Variants in TNN observed in about 807,000 individuals in gnomAD.
TNN encodes tenascin-N.
A neutral mutation model predicts 134.4 loss-of-function variants in TNN; 122 were observed. That is an observed-to-expected ratio of 0.91 (90% CI 0.78 to 1.06). The LOEUF (loss-of-function observed/expected upper bound fraction) is 1.06, where lower values mean the gene tolerates loss of function less well. TNN is among the 50% of genes least tolerant of loss of function. TNN has a pLI of 0.00. For synonymous variants in TNN, 710 were observed against 670.3 expected, an observed-to-expected ratio of 1.06 and a Z score of -0.91; for missense variants, 1,739 against 1,699.4, an observed-to-expected ratio of 1.02 and a Z score of -0.41.
chr1:175,099,029 G>A (rs975176409), intron 9 of TNN, among the ~76,000 whole-genome samples: 1 of 152,138 alleles, frequency 6.6e-6, no homozygotes, highest in Non-Finnish European at 1.5e-5. Context: ...AATGTTTTAG[G>A]CAGAAATAAT....
In TNN at chr1:175,125,703, C is replaced by CTCTTTCTTTCTT. The variant is rs1173340653; in HGVS notation, c.2915-1208_2915-1197dup. Reference sequence around the variant, plus strand: ...CCTCCTTTCTTTCTCTCTTTTTTCTCTCTTTCTTTCTTTCTTTCTTTCTTT... The same window carrying CTCTTTCTTTCTT: ...CCTCCTTTCTTTCTCTCTTTTTTCTCTCTTTCTTTCTTTCTTTCTTTCTTTCTTTCTTTCTTT... On this transcript the variant is annotated intron_variant, in intron 12 of 18. Coordinates refer to ENST00000239462, the MANE Select transcript of TNN (RefSeq NM_022093.2). 3.2e-4 allele frequency among the ~76,000 whole-genome samples: 21 copies of CTCTTTCTTTCTT among 66,436 alleles called. 1 individual carries two copies. Among genetic ancestry groups the CTCTTTCTTTCTT allele is most frequent in the East Asian group, 2.0e-3 (5 of 2,540 alleles). The allele number at this position is 66,436 out of a possible 152,430, so 43.6% of individuals were successfully genotyped here.
At chr1:175,086,536 G>A (rs1036842404) in intron 6 of TNN, among the ~76,000 whole-genome samples, 1 of 152,202 alleles carries the variant, frequency 6.6e-6, no homozygotes, top group Non-Finnish European at 1.5e-5. Context: ...AATCCTTGGA[G>A]CTGGTAAAGA....
chr1:175,119,768 G>A (rs1194427925), intron 11 of TNN, among the ~76,000 whole-genome samples: 3 of 151,648 alleles, frequency 2.0e-5, no homozygotes, highest in African/African-American at 7.3e-5. Context: ...CCAAGTAGCT[G>A]GGATTACAAG....
In TNN at chr1:175,079,528, G is replaced by T. The variant is rs764615697; in HGVS notation, c.605G>T (p.Cys202Phe). 7 of 1,565,492 alleles carry T rather than the reference G, an allele frequency of 4.5e-6. No homozygotes were observed. In the Middle Eastern group the frequency reaches 5.0e-4, roughly 112 times the overall value. Residue 202 changes from cysteine to phenylalanine, a missense_variant, in exon 3 of 19, where the codon TGC becomes TTC. By Grantham distance (205) the Cys-to-Phe change is radical (BLOSUM62 -2). Coordinates refer to ENST00000239462, the MANE Select transcript of TNN (RefSeq NM_022093.2). Reference protein sequence around the residue: ...YVGADCGYPACPENCSGHGEC... With the variant: ...YVGADCGYPAFPENCSGHGEC... ...GGTGCCGACTGCGGCTACCCGGCCT[G>T]CCCTGAGAACTGCAGCGGACACGGC...
intron 9 of TNN, among the ~76,000 whole-genome samples, chr1:175,110,335 C>T (rs76506352): frequency 2.0e-5 from 3 of 152,250 alleles, no homozygotes; most frequent in East Asian, 1.9e-4. Context: ...TGCATTCTGT[C>T]GATTATTTCC....
chr1:175,116,112 T>C (rs1353896328), intron 9 of TNN, among the ~76,000 whole-genome samples: 1 of 152,192 alleles, frequency 6.6e-6, no homozygotes, highest in African/African-American at 2.4e-5. Flanking sequence ...GTGTCAGGGA[T>C]TTCTAACTGG....
chr1:175,122,646 A>T (rs902363713), intron 11 of TNN, among the ~76,000 whole-genome samples: 17 of 152,234 alleles, frequency 1.1e-4, no homozygotes, highest in African/African-American at 4.1e-4. Flanking sequence ...GTTGTTGGTG[A>T]CTTAGACTAG....
chr1:175,077,877 T>C, intron 2 of TNN, 50 bp downstream of exon 2: 1 of 1,550,240 alleles, frequency 6.5e-7, no homozygotes, highest in East Asian at 2.3e-5. Flanking sequence ...TGAGCACCTA[T>C]TATGTGCCAG....
Position 175,085,321 on chromosome 1 carries a change from C to T in TNN, c.1235-84C>T, listed in dbSNP as rs149432029. On this transcript the variant is annotated intron_variant, in intron 5 of 18. Transcript: ENST00000239462. ...AAGCATCACCTCTCATCTTCCCTCACGGGAGAAATCCCAGGGAGGAGTAGT... is the reference window on the plus strand; with the variant it reads ...AAGCATCACCTCTCATCTTCCCTCATGGGAGAAATCCCAGGGAGGAGTAGT... 2.8e-3 allele frequency: 2,464 copies of T among 865,420 alleles called. 9 individuals are homozygous for T. Among genetic ancestry groups the T allele is most frequent in the African/African-American group, 9.7e-3 (582 of 60,148 alleles). 53.6% of individuals were successfully genotyped at this position (865,420 alleles called of 1,614,324 possible).
chr1:175,106,277 G>A (rs57187083), intron 9 of TNN, among the ~76,000 whole-genome samples: 37,949 of 144,816 alleles, frequency 0.26, 8,383 homozygotes, highest in African/African-American at 0.39. Context: ...GGAGGGAGGG[G>A]ATCTTCAGGG....
chr1:175,140,867 G>C (rs1675929525), intron 17 of TNN, among the ~76,000 whole-genome samples: 1 of 152,186 alleles, frequency 6.6e-6, no homozygotes, highest in African/African-American at 2.4e-5. Context: ...GAGGGTTTCA[G>C]AATTTAGAAA....
At position 175,147,169 on chromosome 1, in the gene TNN, C is replaced by A; in HGVS notation, c.*98C>A. 1 of 1,184,690 alleles carries A rather than the reference C, an allele frequency of 8.4e-7. No homozygotes were observed. Among genetic ancestry groups the A allele is most frequent in the Non-Finnish European group, 1.1e-6 (1 of 899,926 alleles). 73.4% of individuals were successfully genotyped at this position (1,184,690 alleles called of 1,614,324 possible). A position where few individuals can be genotyped will look rare whatever the true frequency, so the allele number is the denominator to read the frequency against. On this transcript the variant is annotated 3_prime_UTR_variant, in exon 19 of 19. Transcript: ENST00000239462. ...CTGCGGTCTGGGAGTGCTCAGATAG[C>A]CCGCAGAACAAATCATGTCACCAAG...
At chr1:175,137,645 G>C (rs1010939462) in intron 17 of TNN, among the ~76,000 whole-genome samples, 1 of 152,150 alleles carries the variant, frequency 6.6e-6, no homozygotes, top group Non-Finnish European at 1.5e-5. Context: ...AATGATACCA[G>C]TAAATTAAAT....
At chr1:175,086,638 G>C (rs1032669200) in intron 6 of TNN, among the ~76,000 whole-genome samples, 3 of 152,212 alleles carry the variant, frequency 2.0e-5, no homozygotes, top group Non-Finnish European at 4.4e-5. Context: ...GTGAGAATAA[G>C]AGGTGAGATG....
At chr1:175,095,992 C>A (rs1489882235) in intron 7 of TNN, among the ~76,000 whole-genome samples, 1 of 152,318 alleles carries the variant, frequency 6.6e-6, no homozygotes, top group East Asian at 1.9e-4. Flanking sequence ...GGGGTCAGAC[C>A]AGAGCTGAGC....
intron 18 of TNN, among the ~76,000 whole-genome samples, chr1:175,146,661 AC>A (rs1386629334): frequency 6.6e-6 from 1 of 151,248 alleles, no homozygotes. Flanking sequence ...CCGGGCTCAC[AC>A]CCCCTTGCTC....
At position 175,128,067 on chromosome 1, in the gene TNN, G is replaced by T. The variant is rs368089539; in HGVS notation, c.3081G>T (p.Ala1027=). 1 of 1,614,124 alleles carries T rather than the reference G, an allele frequency of 6.2e-7. No homozygotes were observed. Among genetic ancestry groups the T allele is most frequent in the Non-Finnish European group, 8.5e-7 (1 of 1,179,990 alleles). ...TGGGACGGGAAGACCAGAGGTTTGCGTTGCAAGGCCTTGAGCAAGGCGCCA... is the reference window on the plus strand; with the variant it reads ...TGGGACGGGAAGACCAGAGGTTTGCTTTGCAAGGCCTTGAGCAAGGCGCCA... ...MQLGREDQRF[A]LQGLEQGATY... is the part of the protein sequence containing the mutation. The change falls in exon 14 of 19, where the codon GCG becomes GCT. Residue 1027 remains alanine (A), a synonymous_variant. Coordinates refer to ENST00000239462, the MANE Select transcript of TNN (RefSeq NM_022093.2).
chr1:175,131,727 C>T (rs374870865), intron 15 of TNN, among the ~76,000 whole-genome samples: 9 of 152,152 alleles, frequency 5.9e-5, no homozygotes, highest in South Asian at 4.2e-4. Context: ...ATGATCTTGC[C>T]GAAGCCTTGA....
chr1:175,118,041 C>A (rs1438085630), intron 10 of TNN, among the ~76,000 whole-genome samples: 2 of 152,168 alleles, frequency 1.3e-5, no homozygotes, highest in Non-Finnish European at 2.9e-5. Flanking sequence ...TGAGCATTTT[C>A]CACGTGCCCT....
Sources: gnomAD v4.1 joint callset for allele counts (sites outside exome capture counted in the v4.1 genomes callset) on GRCh38, gnomAD v4.1.1 for gene constraint, MANE v1.5 for transcripts, NCBI Gene and HGNC (gene_info 2026-07-23, HGNC 2026-07-21) for gene names.